Variants in SEMA5A observed in about 807,000 individuals in gnomAD.
The protein encoded by SEMA5A is semaphorin-5A.
In SEMA5A, 55 loss-of-function variants were observed where a neutral mutation model predicts 135.5. The ratio of observed to expected loss-of-function variants is 0.41; its 90% CI spans 0.33 to 0.51. SEMA5A has a LOEUF of 0.51. Ranked by LOEUF, SEMA5A falls within the 20% of genes least tolerant of loss-of-function variation. SEMA5A has a pLI of 0.37. For synonymous variants in SEMA5A, 580 were observed against 546.5 expected (o/e 1.06, Z -0.85); for missense variants, 1,290 against 1,419.9 (o/e 0.91, Z 1.47).
At chr5:9,475,129 G>A (rs1482487485) in intron 1 of SEMA5A, among the ~76,000 whole-genome samples, 1 of 152,066 alleles carries the variant, frequency 6.6e-6, no homozygotes, top group African/African-American at 2.4e-5. Context: ...ACTGAGTTTC[G>A]CCATGTTGGC....
chr5:9,480,351 A>T (rs1414310074), intron 1 of SEMA5A, among the ~76,000 whole-genome samples: 12 of 152,228 alleles, frequency 7.9e-5, no homozygotes, highest in Admixed American at 7.8e-4. Flanking sequence ...ATAACTTAGC[A>T]TAGCAAGTCC....
At chr5:9,306,719 G>A (rs1161730479) in intron 5 of SEMA5A, among the ~76,000 whole-genome samples, 1 of 152,086 alleles carries the variant, frequency 6.6e-6, no homozygotes. Flanking sequence ...CCAGGGATAG[G>A]GTGCCCTGTT....
At chr5:9,405,913 G>T (rs1178649176) in intron 2 of SEMA5A, among the ~76,000 whole-genome samples, 2 of 152,134 alleles carry the variant, frequency 1.3e-5, no homozygotes, top group Admixed American at 1.3e-4. Flanking sequence ...AAGGTCACAA[G>T]TGGCCAGCAA....
chr5:9,042,945 G>GTAGAATTAGAATA lies in SEMA5A; in HGVS notation c.3176_3177insTATTCTAATTCTA (p.Tyr1060IlefsTer7). On this transcript the variant is annotated frameshift_variant, in exon 23 of 23. Coordinates refer to ENST00000382496, the MANE Select transcript of SEMA5A (RefSeq NM_003966.3). LOFTEE classifies it high-confidence loss of function. ...GATCTGTAAAGTAGGCATTAGAATA[G>GTAGAATTAGAATA]GTCTTCCCAGTGAGATGTGGGTTGA... 6.2e-7 allele frequency: 1 copy of GTAGAATTAGAATA among 1,613,160 alleles called. No homozygotes were observed. Among genetic ancestry groups the GTAGAATTAGAATA allele is most frequent in the Non-Finnish European group, 8.5e-7 (1 of 1,179,284 alleles).
chr5:9,469,347 G>A (rs986427287), intron 1 of SEMA5A, among the ~76,000 whole-genome samples: 1 of 152,156 alleles, frequency 6.6e-6, no homozygotes, highest in East Asian at 1.9e-4. Flanking sequence ...TTTAGCATAA[G>A]GTCATGCTTA....
intron 16 of SEMA5A, among the ~76,000 whole-genome samples, chr5:9,089,121 T>C (rs889678730): frequency 2.0e-5 from 3 of 152,224 alleles, no homozygotes; most frequent in South Asian, 2.1e-4. Context: ...ACTGTACTTA[T>C]CTATTTCTCA....
intron 5 of SEMA5A, among the ~76,000 whole-genome samples, chr5:9,297,949 C>A (rs1751424249): frequency 6.6e-6 from 1 of 152,118 alleles, no homozygotes; most frequent in South Asian, 2.1e-4. Flanking sequence ...TAAACTAAAA[C>A]ACACACAAAT....
chr5:9,087,592 C>T (rs187802314), intron 16 of SEMA5A, among the ~76,000 whole-genome samples: 3 of 151,682 alleles, frequency 2.0e-5, no homozygotes, highest in African/African-American at 7.2e-5. Context: ...GCTGTACATA[C>T]ATTCTTTAGT....
rs144236114 is a variant in SEMA5A, at chr5:9,541,097, G to C, written c.-175+4487C>G. On this transcript the variant is annotated intron_variant, in intron 1 of 22. Transcript: ENST00000382496. ...AACATTGGGTGGATTTGAACTGATT[G>C]AAAGAGGCTCGATTTTCTGTGAACG... is the stretch of plus-strand genomic sequence containing the variant. 3.8e-3 allele frequency among the ~76,000 whole-genome samples: 584 copies of C among 152,292 alleles called. 5 individuals carry two copies. Among genetic ancestry groups the C allele is most frequent in the African/African-American group, 0.013 (545 of 41,562 alleles).
At chr5:9,535,577 A>C (rs560357799) in intron 1 of SEMA5A, among the ~76,000 whole-genome samples, 1 of 72,864 alleles carries the variant, frequency 1.4e-5, no homozygotes, top group South Asian at 3.8e-4. Context: ...TTGTTTAAAA[A>C]AAAAATGCAG....
chr5:9,451,130 G>A (rs997677160), intron 1 of SEMA5A, among the ~76,000 whole-genome samples: 2 of 152,152 alleles, frequency 1.3e-5, no homozygotes, highest in Non-Finnish European at 2.9e-5. Context: ...AGAGGCTGTT[G>A]TCGGTTACGC....
chr5:9,188,983 T>C (rs1463644271), intron 11 of SEMA5A, among the ~76,000 whole-genome samples: 5 of 152,214 alleles, frequency 3.3e-5, no homozygotes, highest in Admixed American at 3.3e-4. Context: ...GGAGCAGCTG[T>C]GGCCTCCATC....
chr5:9,527,647 G>A (rs970937223), intron 1 of SEMA5A, among the ~76,000 whole-genome samples: 2 of 152,014 alleles, frequency 1.3e-5, no homozygotes, highest in African/African-American at 4.8e-5. Flanking sequence ...AGTAATACTT[G>A]CTAACATTAT....
At chr5:9,292,966 T>C (rs1751160094) in intron 5 of SEMA5A, among the ~76,000 whole-genome samples, 1 of 152,212 alleles carries the variant, frequency 6.6e-6, no homozygotes, top group Admixed American at 6.5e-5. Flanking sequence ...ACATCAATAG[T>C]GTGCAGGTGC....
Position 9,159,127 on chromosome 5 carries a change from G to A in SEMA5A, c.1274-4432C>T, listed in dbSNP as rs1419018724. On this transcript the variant is annotated intron_variant, in intron 11 of 22. Transcript: ENST00000382496. ...CTTGGCAAGCTAGTGAAGATATGTTGGATATATGTAGCAACATATTCCTAC... is the reference window on the plus strand; with the variant it reads ...CTTGGCAAGCTAGTGAAGATATGTTAGATATATGTAGCAACATATTCCTAC... Among the ~76,000 whole-genome samples the A allele has an allele frequency of 4.6e-5, 7 of 152,078 alleles. No individual in the cohort carries two copies. In the East Asian group the frequency reaches 1.3e-3, roughly 29 times the overall value.
At chr5:9,043,423 T>C (rs372491320) in intron 22 of SEMA5A, 205 of 166,274 alleles carry the variant, frequency 1.2e-3, no homozygotes, top group African/African-American at 4.8e-3. Context: ...CAGATGACCA[T>C]GGGTGAGGAC....
chr5:9,360,083 T>A (rs1754624491), intron 3 of SEMA5A, among the ~76,000 whole-genome samples: 1 of 152,238 alleles, frequency 6.6e-6, no homozygotes, highest in African/African-American at 2.4e-5. Context: ...GCAATAGCCT[T>A]TGAATCTCTT....
intron 2 of SEMA5A, among the ~76,000 whole-genome samples, chr5:9,428,110 A>AACTC (rs1757727265): frequency 2.1e-5 from 3 of 141,010 alleles, no homozygotes; most frequent in Admixed American, 7.2e-5. Flanking sequence ...ATATATATAT[A>AACTC]TATATATTCA....
At chr5:9,080,982 A>G (rs1411929039) in intron 16 of SEMA5A, among the ~76,000 whole-genome samples, 3 of 152,190 alleles carry the variant, frequency 2.0e-5, no homozygotes, top group African/African-American at 7.2e-5. Context: ...TAATCAGGTT[A>G]CAATAATCCA....
Sources: gnomAD v4.1 joint callset for allele counts (sites outside exome capture counted in the v4.1 genomes callset) on GRCh38, gnomAD v4.1.1 for gene constraint, MANE v1.5 for transcripts, NCBI Gene and HGNC (gene_info 2026-07-23, HGNC 2026-07-21) for gene names.